RRM2B: variants seen among roughly 807,000 people sequenced by gnomAD.
RRM2B encodes the protein ribonucleoside-diphosphate reductase subunit M2 B.
Under a neutral mutation model 45.9 loss-of-function variants are expected in RRM2B, and 20 were observed. The ratio of observed to expected loss-of-function variants is 0.44; its 90% CI spans 0.31 to 0.63. The LOEUF (loss-of-function observed/expected upper bound fraction) is 0.63. Ranked by LOEUF, RRM2B falls within the 30% of genes least tolerant of loss-of-function variation. The pLI, the probability that RRM2B is intolerant of heterozygous loss-of-function variation, is 0.09. For missense variants in RRM2B, 320 were observed against 414.7 expected, an observed-to-expected ratio of 0.77 and a Z score of 1.98; for synonymous variants, 124 against 132.3, an observed-to-expected ratio of 0.94 and a Z score of 0.43.
At chr8:102,238,660 G>A in intron 1 of RRM2B, 167 bp downstream of exon 1, 2 of 1,537,748 alleles carry the variant, frequency 1.3e-6, no homozygotes, top group East Asian at 4.9e-5. Context: ...CCTCCCCGGG[G>A]ACGGCCTCCC....
At position 102,229,274 on chromosome 8, in the gene RRM2B, C is replaced by CA. The variant is rs899199808; in HGVS notation, c.204+2874dup. 7.2e-3 allele frequency among the ~76,000 whole-genome samples: 1,082 copies of CA among 149,310 alleles called. 11 individuals carry two copies. Among genetic ancestry groups the CA allele is most frequent in the African/African-American group, 0.025 (1,019 of 40,652 alleles). ...CTCAAAAACAAAACAACAACAACAACAAAAAAAAAAAAACCCACAAAGCCT... is the reference window on the plus strand; with the variant it reads ...CTCAAAAACAAAACAACAACAACAACAAAAAAAAAAAAAACCCACAAAGCCT... On this transcript the variant is annotated intron_variant, in intron 2 of 8. Coordinates refer to ENST00000251810, the MANE Select transcript of RRM2B (RefSeq NM_015713.5).
chr8:102,228,363 CA>C (rs1810970456), intron 2 of RRM2B, among the ~76,000 whole-genome samples: 1 of 152,196 alleles, frequency 6.6e-6, no homozygotes, highest in African/African-American at 2.4e-5. Context: ...TCATTGGCAA[CA>C]AAATCCTCTG....
intron 2 of RRM2B, among the ~76,000 whole-genome samples, chr8:102,229,998 C>T (rs1418525693): frequency 6.6e-6 from 1 of 152,176 alleles, no homozygotes; most frequent in African/African-American, 2.4e-5. Context: ...ATTTTATTTA[C>T]ACTACATTGG....
intron 7 of RRM2B, 97 bp downstream of exon 7, chr8:102,213,957 T>A: frequency 1.2e-6 from 1 of 836,026 alleles, no homozygotes; most frequent in Non-Finnish European, 2.1e-6. Context: ...TTGCTGGTAT[T>A]TTTATTGACC....
rs557201951 is a variant in RRM2B, at chr8:102,211,601, G to A, written c.903+1175C>T. ...TGTGGATGTGAGGATATGGTAATGGGTTAAAGAATAGCGAATTCACTGTAA... is the reference window on the plus strand; with the variant it reads ...TGTGGATGTGAGGATATGGTAATGGATTAAAGAATAGCGAATTCACTGTAA... On this transcript the variant is annotated intron_variant, in intron 8 of 8. Transcript: ENST00000251810. Among the ~76,000 whole-genome samples the A allele has an allele frequency of 3.7e-4, 56 of 152,242 alleles. No individual in the cohort carries two copies. The South Asian group carries it at 0.011, about 30-fold the overall frequency.
At position 102,238,917 on chromosome 8, in the gene RRM2B, C is replaced by T. The variant is rs1221426404; in HGVS notation, c.-43G>A. ...AGCTACGGGCGCTGAGGGAACTGAG[C>T]TCCTCAGGCCACCTCCAACTACGAC... On this transcript the variant is annotated 5_prime_UTR_variant, in exon 1 of 9. Transcript: ENST00000251810. 1 of 1,597,660 alleles carries T rather than the reference C, an allele frequency of 6.3e-7. No homozygotes were observed. The highest frequency in any genetic ancestry group is 1.3e-5 in the African/African-American group (1 of 74,922).
Position 102,218,895 on chromosome 8 carries a change from A to G in RRM2B, c.603T>C (p.Ser201=), listed in dbSNP as rs1255691045. The G allele has an allele frequency of 6.2e-7, 1 of 1,613,382 alleles. No homozygotes were observed. Among genetic ancestry groups the G allele is most frequent in the East Asian group, 2.2e-5 (1 of 44,842 alleles). ...AAVEGVFFSG[S]FAAIFWLKKR... ...TCTTTAGCCAGAATATAGCAGCAAA[A>G]GATCCTGAGAAGAAAACTCCTTCTA... Residue 201 remains serine (S), a synonymous_variant, in exon 6 of 9, where the codon TCT becomes TCC. Transcript: ENST00000251810.
intron 6 of RRM2B, among the ~76,000 whole-genome samples, chr8:102,217,140 C>T (rs1810743537): frequency 6.6e-6 from 1 of 152,152 alleles, no homozygotes; most frequent in East Asian, 1.9e-4. Context: ...TTAGATTATA[C>T]ATTTAACAAA....
intron 1 of RRM2B, among the ~76,000 whole-genome samples, chr8:102,235,040 C>T (rs1262682135): frequency 1.3e-5 from 2 of 152,108 alleles, no homozygotes; most frequent in Non-Finnish European, 1.5e-5. Flanking sequence ...AACACTTTGG[C>T]ATCTAATAAC....
At chr8:102,230,801 C>T (rs2132560914) in intron 2 of RRM2B, among the ~76,000 whole-genome samples, 1 of 152,222 alleles carries the variant, frequency 6.6e-6, no homozygotes, top group South Asian at 2.1e-4. Context: ...TATTTAGTGC[C>T]TACTAAGTGT....
intron 5 of RRM2B, among the ~76,000 whole-genome samples, chr8:102,221,438 T>A (rs923559247): frequency 1.3e-5 from 2 of 152,164 alleles, no homozygotes; most frequent in African/African-American, 4.8e-5. Flanking sequence ...AATCAGTTCA[T>A]GAAACAGCAC....
chr8:102,226,272 A>C (rs1810930012), intron 2 of RRM2B, among the ~76,000 whole-genome samples: 1 of 151,898 alleles, frequency 6.6e-6, no homozygotes, highest in Non-Finnish European at 1.5e-5. Context: ...TGAACAGCTA[A>C]ACTATGTGAG....
Position 102,238,927 on chromosome 8 carries a change from C to T in RRM2B, c.-53G>A. 1 of 1,585,976 alleles carries T rather than the reference C, an allele frequency of 6.3e-7. No individual in the cohort carries two copies. The highest frequency in any genetic ancestry group is 8.6e-7 in the Non-Finnish European group (1 of 1,165,598). On this transcript the variant is annotated 5_prime_UTR_variant, in exon 1 of 9. Transcript: ENST00000251810. Reference sequence around the variant, plus strand: ...GCTGAGGGAACTGAGCTCCTCAGGCCACCTCCAACTACGACAGCACCCAGG... The same window carrying T: ...GCTGAGGGAACTGAGCTCCTCAGGCTACCTCCAACTACGACAGCACCCAGG...
chr8:102,237,787 C>G (rs1397462825), intron 1 of RRM2B, among the ~76,000 whole-genome samples: 1 of 152,158 alleles, frequency 6.6e-6, no homozygotes, highest in African/African-American at 2.4e-5. Flanking sequence ...GAAGAAAAAG[C>G]TTGAGGGATA....
At chr8:102,238,492 C>T in intron 1 of RRM2B, 4 of 1,341,144 alleles carry the variant, frequency 3.0e-6, no homozygotes, top group Non-Finnish European at 3.9e-6. Context: ...TTTCCCTGGC[C>T]AGGGCTCCAA....
intron 2 of RRM2B, among the ~76,000 whole-genome samples, chr8:102,230,251 T>C (rs1010487622): frequency 2.6e-5 from 4 of 152,226 alleles, no homozygotes; most frequent in African/African-American, 9.6e-5. Context: ...GAAAAATATG[T>C]GGAACTAAAA....
chr8:102,208,209 C>T lies in RRM2B; in HGVS notation c.980G>A (p.Arg327Gln). 4 of 1,610,550 alleles carry T rather than the reference C, an allele frequency of 2.5e-6. No homozygotes were observed. The highest frequency in any genetic ancestry group is 3.4e-6 in the Non-Finnish European group (4 of 1,177,038). ...TGCAAAACGCTGATACTCTGAAACT[C>T]GTTTCTCAAAGAAATTTGTTTTTCC... is the stretch of plus-strand genomic sequence containing the variant. ...LEGKTNFFEKRVSEYQRFAVM... is the reference protein window; with the variant it reads ...LEGKTNFFEKQVSEYQRFAVM... The change falls in exon 9 of 9, where the codon CGA (arginine) becomes CAA (glutamine). Residue 327 changes from arginine to glutamine, a missense_variant. Coordinates refer to ENST00000251810, the MANE Select transcript of RRM2B (RefSeq NM_015713.5).
In RRM2B at chr8:102,204,647, A is replaced by G. The variant is rs1031086945; in HGVS notation, c.*3486T>C. The G allele has an allele frequency of 5.3e-5, 8 of 149,920 alleles. No individual in the cohort carries two copies. The highest frequency in any genetic ancestry group is 2.2e-4 in the South Asian group (1 of 4,554). The allele number at this position is 149,920 out of a possible 1,614,324, so 9.3% of individuals were successfully genotyped here. A position where few individuals can be genotyped will look rare whatever the true frequency, so the allele number is the denominator to read the frequency against. The stretch of plus-strand genomic sequence containing the variant: ...AATAAGAAAACAACTAATTTATTTG[A>G]AAAAAAAACAAATTCTGTACATGCA... On this transcript the variant is annotated 3_prime_UTR_variant, in exon 9 of 9. Transcript: ENST00000251810.
At chr8:102,231,061 T>A (rs1199000139) in intron 2 of RRM2B, among the ~76,000 whole-genome samples, 3 of 152,234 alleles carry the variant, frequency 2.0e-5, no homozygotes, top group African/African-American at 4.8e-5. Flanking sequence ...TCCAAATAGA[T>A]ACATCTATCT....
Sources: allele counts gnomAD v4.1 joint callset (sites outside exome capture counted in the v4.1 genomes callset), GRCh38; gene constraint gnomAD v4.1.1; transcripts MANE v1.5; gene names NCBI Gene and HGNC (gene_info 2026-07-23, HGNC 2026-07-21).